TSEN2: variants seen among roughly 807,000 people sequenced by gnomAD.
The protein encoded by TSEN2 is tRNA splicing endonuclease subunit 2, also known as tRNA-splicing endonuclease subunit Sen2.
TSEN2 carries 54 observed loss-of-function variants against 59.2 expected under a neutral mutation model. The ratio of observed to expected loss-of-function variants is 0.91; its 90% CI spans 0.73 to 1.14. The LOEUF (loss-of-function observed/expected upper bound fraction) is 1.14, where lower values mean the gene tolerates loss of function less well. Among genes scored for constraint, TSEN2 ranks in the 50% most tolerant of loss-of-function variants. The probability of loss-of-function intolerance (pLI) is 0.00; values close to 1 mark genes in which losing one functional copy is unlikely to be tolerated. For synonymous variants in TSEN2, 195 were observed against 198.2 expected (o/e 0.98, Z 0.14); for missense variants, 636 against 576.2 (o/e 1.10, Z -1.06).
intron 6 of TSEN2, among the ~76,000 whole-genome samples, chr3:12,514,076 T>C (rs2055792869): frequency 6.6e-6 from 1 of 152,220 alleles, no homozygotes; most frequent in African/African-American, 2.4e-5. Flanking sequence ...GTTTACATTC[T>C]AGTCGGAGGA....
At chr3:12,521,418 A>G (rs1230442353) in intron 8 of TSEN2, among the ~76,000 whole-genome samples, 1 of 152,222 alleles carries the variant, frequency 6.6e-6, no homozygotes, top group Non-Finnish European at 1.5e-5. Context: ...CTGTAGTCAA[A>G]AAGATTCAGA....
intron 1 of TSEN2, among the ~76,000 whole-genome samples, chr3:12,485,599 G>A (rs2052536234): frequency 6.6e-6 from 1 of 152,174 alleles, no homozygotes; most frequent in South Asian, 2.1e-4. Context: ...GGTCCACCCA[G>A]GAAATTCTGA....
intron 6 of TSEN2, chr3:12,515,107 C>G (rs186495344): frequency 1.3e-5 from 2 of 152,214 alleles, no homozygotes; most frequent in East Asian, 3.9e-4. Context: ...CTTGGGGATC[C>G]CAGGATCCCC....
chr3:12,483,113 A>C (rs705962), upstream of TSEN2, among the ~76,000 whole-genome samples: 93,869 of 152,178 alleles, frequency 0.62, 30,667 homozygotes, highest in African/African-American at 0.81. Flanking sequence ...CAGTGGCTCA[A>C]GCCTGTAATC....
chr3:12,493,145 T>G (rs1250068050), intron 3 of TSEN2, among the ~76,000 whole-genome samples: 1 of 152,252 alleles, frequency 6.6e-6, no homozygotes, highest in East Asian at 1.9e-4. Context: ...TTCCATTGTT[T>G]GGACATAGTG....
chr3:12,521,349 A>G (rs144712268), intron 8 of TSEN2, among the ~76,000 whole-genome samples: 100 of 152,378 alleles, frequency 6.6e-4, no homozygotes, highest in Non-Finnish European at 1.2e-3. Flanking sequence ...TACATGACGT[A>G]GTTTCTGCAA....
chr3:12,539,065 A>T (rs1286952715), intron 10 of TSEN2: 1 of 408,492 alleles, frequency 2.4e-6, no homozygotes, highest in East Asian at 7.6e-5. Context: ...CCATTTCCTG[A>T]TTTAGATTCT....
At chr3:12,491,715 G>A (rs1031640766) in intron 2 of TSEN2, among the ~76,000 whole-genome samples, 10 of 152,172 alleles carry the variant, frequency 6.6e-5, no homozygotes, top group Non-Finnish European at 1.5e-4. Flanking sequence ...CATGAAAAGT[G>A]GGGCGAACCT....
chr3:12,495,774 A>C (rs1404835241), intron 3 of TSEN2, among the ~76,000 whole-genome samples: 1 of 152,172 alleles, frequency 6.6e-6, no homozygotes, highest in African/African-American at 2.4e-5. Flanking sequence ...GTTTGGGAAA[A>C]GAGAAGTAAT....
intron 10 of TSEN2, chr3:12,530,770 C>A (rs2057405648): frequency 2.0e-6 from 2 of 984,500 alleles, no homozygotes; most frequent in African/African-American, 1.7e-5. Context: ...TTAATATGTC[C>A]TCACTTAACA....
At chr3:12,533,731 T>C (rs1428014399), downstream of TSEN2, 1 of 144,262 alleles carries the variant, frequency 6.9e-6, no homozygotes, top group African/African-American at 2.6e-5. Context: ...TGCTCTTCGG[T>C]GGTAGAATAC....
At position 12,532,903 on chromosome 3, in the gene TSEN2, T is replaced by C. The variant is rs2125265780; in HGVS notation, c.*182T>C. On this transcript the variant is annotated 3_prime_UTR_variant, in exon 12 of 12. Coordinates refer to ENST00000284995, the MANE Select transcript of TSEN2 (RefSeq NM_025265.4). ...CAAGGGAGGAGAAAGATCCCTGTGC[T>C]AGGACTGCAGATTCTATACTTGCGT... The C allele has an allele frequency of 1.5e-6, 1 of 657,546 alleles. No homozygotes were observed. Among genetic ancestry groups the C allele is most frequent in the South Asian group, 1.8e-5 (1 of 55,660 alleles). The allele number at this position is 657,546 out of a possible 1,614,324, so 40.7% of individuals were successfully genotyped here.
At chr3:12,498,906 A>C (rs2054016183) in intron 4 of TSEN2, among the ~76,000 whole-genome samples, 1 of 152,206 alleles carries the variant, frequency 6.6e-6, no homozygotes, top group Admixed American at 6.5e-5. Flanking sequence ...TAATTTTTCA[A>C]CTTAAATACT....
At chr3:12,534,953 G>A (rs550614999), downstream of TSEN2, among the ~76,000 whole-genome samples, 7 of 152,048 alleles carry the variant, frequency 4.6e-5, no homozygotes, top group Non-Finnish European at 1.0e-4. Flanking sequence ...CCTGGGGGCA[G>A]AGTGAGACTC....
At chr3:12,486,950 G>C (rs1361115960) in intron 1 of TSEN2, among the ~76,000 whole-genome samples, 3 of 152,150 alleles carry the variant, frequency 2.0e-5, no homozygotes, top group South Asian at 2.1e-4. Flanking sequence ...ATGGACATTT[G>C]GATGGCTTCC....
At chr3:12,491,611 T>G (rs1049230630) in intron 2 of TSEN2, among the ~76,000 whole-genome samples, 8 of 152,158 alleles carry the variant, frequency 5.3e-5, no homozygotes, top group African/African-American at 1.4e-4. Flanking sequence ...TGAGGTGTGC[T>G]AAAAACTTAC....
intron 4 of TSEN2, among the ~76,000 whole-genome samples, chr3:12,499,958 A>G (rs139505012): frequency 2.6e-5 from 4 of 152,256 alleles, no homozygotes; most frequent in African/African-American, 7.2e-5. Flanking sequence ...CATCAGTACA[A>G]CAATAGGGAA....
At chr3:12,502,138 G>A (rs185066062) in intron 4 of TSEN2, among the ~76,000 whole-genome samples, 48 of 152,270 alleles carry the variant, frequency 3.2e-4, no homozygotes, top group African/African-American at 1.1e-3. Context: ...GGGTTAGTAG[G>A]CACTGTGATG....
intron 1 of TSEN2, among the ~76,000 whole-genome samples, chr3:12,485,190 A>T (rs2052478422): frequency 6.6e-6 from 1 of 152,168 alleles, no homozygotes; most frequent in African/African-American, 2.4e-5. Flanking sequence ...GGTTGGGAGA[A>T]GGTGAGATTT....
Sources: allele counts gnomAD v4.1 joint callset (sites outside exome capture counted in the v4.1 genomes callset), GRCh38; gene constraint gnomAD v4.1.1; transcripts MANE v1.5; gene names NCBI Gene and HGNC (gene_info 2026-07-23, HGNC 2026-07-21).